Variants in RORA observed in about 807,000 individuals in gnomAD.
The protein encoded by RORA is RAR related orphan receptor A.
A neutral mutation model predicts 69.5 loss-of-function variants in RORA; 7 were observed. The ratio of observed to expected loss-of-function variants is 0.10; its 90% CI spans 0.06 to 0.19. The LOEUF (loss-of-function observed/expected upper bound fraction) is 0.19, where lower values mean the gene tolerates loss of function less well. RORA is among the 10% of genes least tolerant of loss of function. The pLI, the probability that RORA is intolerant of heterozygous loss-of-function variation, is 1.00. For missense variants in RORA, 457 were observed against 663.0 expected, an observed-to-expected ratio of 0.69 and a Z score of 3.41; for synonymous variants, 261 against 240.8, an observed-to-expected ratio of 1.08 and a Z score of -0.78.
At chr15:60,831,936 T>C (rs2073047964) in intron 1 of RORA, among the ~76,000 whole-genome samples, 1 of 152,134 alleles carries the variant, frequency 6.6e-6, no homozygotes, top group East Asian at 1.9e-4. Context: ...GCTAATATGG[T>C]AGGAGGTACA....
At chr15:60,726,510 A>C (rs1033113868) in intron 1 of RORA, among the ~76,000 whole-genome samples, 9 of 152,366 alleles carry the variant, frequency 5.9e-5, no homozygotes, top group South Asian at 4.1e-4. Flanking sequence ...GCTCCAGCTT[A>C]CGTGAAAGCC....
chr15:60,640,210 G>A (rs1055285850), intron 2 of RORA, among the ~76,000 whole-genome samples: 2 of 152,140 alleles, frequency 1.3e-5, no homozygotes, highest in African/African-American at 4.8e-5. Context: ...ATTTGTTGGC[G>A]CCCTTCCCCT....
chr15:61,141,613 A>G (rs9788745), intron 1 of RORA, among the ~76,000 whole-genome samples: 8,349 of 152,242 alleles, frequency 0.055, 551 homozygotes, highest in East Asian at 0.29. Flanking sequence ...TCAGAGATAC[A>G]AGACTGCTGA....
At chr15:60,679,092 T>C (rs143501145) in intron 1 of RORA, among the ~76,000 whole-genome samples, 16 of 152,292 alleles carry the variant, frequency 1.1e-4, no homozygotes, top group Non-Finnish European at 1.8e-4. Flanking sequence ...CGGCAATTAA[T>C]TTGCTATGGC....
chr15:60,499,775 C>G, intron 10 of RORA, 117 bp downstream of exon 10: 1 of 600,448 alleles, frequency 1.7e-6, no homozygotes, highest in Non-Finnish European at 2.9e-6. Context: ...TTTTAGTAGC[C>G]TGTTGCCTTC....
At chr15:60,523,786 T>G (rs1004234910) in intron 3 of RORA, among the ~76,000 whole-genome samples, 3 of 152,192 alleles carry the variant, frequency 2.0e-5, no homozygotes, top group Non-Finnish European at 4.4e-5. Context: ...ATCCTCCCAC[T>G]TCAGCCTTCT....
intron 1 of RORA, among the ~76,000 whole-genome samples, chr15:61,224,894 G>T (rs2080131863): frequency 1.3e-5 from 2 of 152,144 alleles, no homozygotes; most frequent in Non-Finnish European, 2.9e-5. Flanking sequence ...ATCGTTAGGG[G>T]CTTCAATGCA....
intron 10 of RORA, among the ~76,000 whole-genome samples, chr15:60,498,838 G>C (rs1340998807): frequency 6.8e-6 from 1 of 147,386 alleles, no homozygotes; most frequent in Non-Finnish European, 1.5e-5. Context: ...CCCCTTTCTG[G>C]TCTAACATAG....
chr15:61,029,955 G>A lies in RORA; in HGVS notation c.166+199098C>T, dbSNP rs530157963. The stretch of plus-strand genomic sequence containing the variant: ...GAGAGACAAGTGGAGGCATAAGTAC[G>A]CATGATCCTGCCCCAGTGAGATGAC... On this transcript the variant is annotated intron_variant, in intron 1 of 10. Transcript: ENST00000335670. 6.6e-5 allele frequency among the ~76,000 whole-genome samples: 10 copies of A among 152,242 alleles called. No individual in the cohort carries two copies. The East Asian group carries it at 1.7e-3, about 26-fold the overall frequency.
chr15:60,521,174 C>T (rs558166292), intron 3 of RORA, among the ~76,000 whole-genome samples: 4 of 152,052 alleles, frequency 2.6e-5, no homozygotes, highest in Admixed American at 1.3e-4. Context: ...TTGGCGATGT[C>T]GTCCAGGCAT....
chr15:61,022,549 C>T lies in RORA; in HGVS notation c.166+206504G>A, dbSNP rs1235530132. Among the ~76,000 whole-genome samples, 7 of 152,036 alleles carry T rather than the reference C, an allele frequency of 4.6e-5. 1 individual carries two copies. The South Asian group carries it at 1.5e-3, about 32-fold the overall frequency. On this transcript the variant is annotated intron_variant, in intron 1 of 10. Coordinates refer to ENST00000335670, the MANE Select transcript of RORA (RefSeq NM_134261.3). ...TTTCAATGGTGCACACACAGACACA[C>T]ATTCTGTTGATGCAAAATCTGCTAT...
chr15:60,561,082 G>GTTTTT (rs571970599), intron 2 of RORA, among the ~76,000 whole-genome samples: 17 of 122,052 alleles, frequency 1.4e-4, no homozygotes, highest in African/African-American at 3.1e-4. Flanking sequence ...TTTTGTTTTT[G>GTTTTT]TTTTTTTTTT....
chr15:60,990,967 T>C (rs751635067), intron 1 of RORA, among the ~76,000 whole-genome samples: 1 of 152,208 alleles, frequency 6.6e-6, no homozygotes, highest in Non-Finnish European at 1.5e-5. Context: ...AAGTAATCTT[T>C]ATCTATATGT....
chr15:60,993,688 G>A (rs1261866139), intron 1 of RORA, among the ~76,000 whole-genome samples: 3 of 140,000 alleles, frequency 2.1e-5, no homozygotes, highest in South Asian at 2.4e-4. Context: ...TACCTTAAAT[G>A]TTGTAGATAC....
intron 1 of RORA, among the ~76,000 whole-genome samples, chr15:60,859,574 C>T: frequency 6.6e-6 from 1 of 150,880 alleles, no homozygotes; most frequent in East Asian, 1.9e-4. Flanking sequence ...TGGGACTGCC[C>T]AAGAGATTGT....
At chr15:61,201,670 T>A (rs1004782531) in intron 1 of RORA, among the ~76,000 whole-genome samples, 1 of 152,236 alleles carries the variant, frequency 6.6e-6, no homozygotes, top group African/African-American at 2.4e-5. Flanking sequence ...TTCACACCAC[T>A]TGGTTATCAC....
chr15:61,010,812 C>T (rs1255501951), intron 1 of RORA, among the ~76,000 whole-genome samples: 1 of 152,072 alleles, frequency 6.6e-6, no homozygotes, highest in African/African-American at 2.4e-5. Flanking sequence ...GAGATGAGGA[C>T]TGTTGGCTGG....
intron 1 of RORA, among the ~76,000 whole-genome samples, chr15:61,071,689 G>A (rs116405667): frequency 1.9e-5 from 2 of 106,694 alleles, no homozygotes; most frequent in Non-Finnish European, 3.9e-5. Context: ...GGGGAGAGGG[G>A]AGGGGAAGAG....
At chr15:60,727,893 G>A (rs7163438) in intron 1 of RORA, among the ~76,000 whole-genome samples, 15 of 152,096 alleles carry the variant, frequency 9.9e-5, no homozygotes, top group African/African-American at 3.6e-4. Flanking sequence ...GAAGGTATTC[G>A]TCTCCTCTGA....
Sources: allele counts gnomAD v4.1 joint callset (sites outside exome capture counted in the v4.1 genomes callset), GRCh38; gene constraint gnomAD v4.1.1; transcripts MANE v1.5; gene names NCBI Gene and HGNC (gene_info 2026-07-23, HGNC 2026-07-21).